The following COL6A2 variants were observed in gnomAD, a reference collection of about 807,000 sequenced individuals.
COL6A2 encodes collagen alpha-2(VI) chain.
In COL6A2, 90 loss-of-function variants were observed where a neutral mutation model predicts 124.9. That is an observed-to-expected ratio of 0.72 (90% CI 0.61 to 0.86). COL6A2 has a LOEUF of 0.86. Ranked by LOEUF, COL6A2 falls within the 40% of genes least tolerant of loss-of-function variation. The pLI, the probability that COL6A2 is intolerant of heterozygous loss-of-function variation, is 0.00. For missense variants in COL6A2, 1,607 were observed against 1,502.5 expected, an observed-to-expected ratio of 1.07 and a Z score of -1.15; for synonymous variants, 793 against 618.2, an observed-to-expected ratio of 1.28 and a Z score of -4.19.
Position 46,118,681 on chromosome 21 carries a change from G to A in COL6A2, c.1179+5G>A. On this transcript the variant is annotated splice_donor_5th_base_variant and intron_variant, in intron 13 of 27. Coordinates refer to ENST00000300527, the MANE Select transcript of COL6A2 (RefSeq NM_001849.4). ...ATCGGGGCCAAGGGAAGCAAGGTGA[G>A]CCCCTCTGCCTCTTCGCCTGCAGCT... 6.2e-7 allele frequency: 1 copy of A among 1,608,734 alleles called. No individual in the cohort carries two copies. Among genetic ancestry groups the A allele is most frequent in the Non-Finnish European group, 8.5e-7 (1 of 1,178,516 alleles).
chr21:46,131,282 A>G (rs2078756838), intron 27 of COL6A2, among the ~76,000 whole-genome samples: 1 of 152,168 alleles, frequency 6.6e-6, no homozygotes, highest in African/African-American at 2.4e-5. Flanking sequence ...GGTTGTGGCT[A>G]TGGCCAGGCC....
chr21:46,125,685 G>C, intron 25 of COL6A2, 68 bp downstream of exon 25: 6 of 1,591,708 alleles, frequency 3.8e-6, no homozygotes, highest in Non-Finnish European at 5.1e-6. Flanking sequence ...GATGAGATGG[G>C]AGAAGTCCAG....
At chr21:46,130,892 G>A (rs527409169) in intron 27 of COL6A2, among the ~76,000 whole-genome samples, 24 of 152,182 alleles carry the variant, frequency 1.6e-4, no homozygotes, top group Non-Finnish European at 3.2e-4. Context: ...CAGCTCGTGC[G>A]TGCTCAGACG....
chr21:46,130,449 G>A (rs985482524), intron 27 of COL6A2, among the ~76,000 whole-genome samples: 3 of 152,272 alleles, frequency 2.0e-5, no homozygotes, highest in Non-Finnish European at 4.4e-5. Context: ...GGGCACGGCT[G>A]TGACCATTTC....
intron 1 of COL6A2, among the ~76,000 whole-genome samples, chr21:46,109,364 G>T (rs1255603187): frequency 2.6e-5 from 4 of 152,206 alleles, no homozygotes; most frequent in Non-Finnish European, 5.9e-5. Context: ...AGTGCATGCT[G>T]ATTGGTCCAT....
intron 19 of COL6A2, 55 bp from the exon 20 acceptor site, chr21:46,122,441 G>A (rs1281042341): frequency 3.7e-6 from 6 of 1,608,704 alleles, no homozygotes; most frequent in South Asian, 1.1e-5. Flanking sequence ...CCCAGAGGGA[G>A]GAAGGAGCAC....
chr21:46,128,896 G>C, intron 27 of COL6A2: 1 of 1,611,254 alleles, frequency 6.2e-7, no homozygotes, highest in Non-Finnish European at 8.5e-7. Context: ...GCCTGTCTCC[G>C]GCACAGGTTT....
chr21:46,125,758 C>T (rs1363743990), intron 25 of COL6A2, 27 bp from the exon 26 acceptor site: 1 of 1,608,248 alleles, frequency 6.2e-7, no homozygotes, highest in Non-Finnish European at 8.5e-7. Context: ...AGGCCTCTGG[C>T]AACGACCTCA....
chr21:46,123,247 A>G (rs2078595927), intron 21 of COL6A2, among the ~76,000 whole-genome samples: 1 of 95,614 alleles, frequency 1.0e-5, no homozygotes, highest in Non-Finnish European at 1.9e-5. Context: ...CCACTACAGC[A>G]TCCCCCACCA....
intron 27 of COL6A2, among the ~76,000 whole-genome samples, chr21:46,127,342 T>C (rs1228701544): frequency 6.6e-6 from 1 of 152,074 alleles, no homozygotes; most frequent in East Asian, 1.9e-4. Context: ...CGTTCGGGCG[T>C]TCCATGGGGA....
In COL6A2 at chr21:46,121,563, G is replaced by T; in HGVS notation, c.1466G>T (p.Arg489Leu). The change falls in exon 18 of 28, where the codon CGG (arginine) becomes CTG (leucine). Residue 489 changes from arginine to leucine, a missense_variant. By Grantham distance (102) the Arg-to-Leu change is moderately radical. Transcript: ENST00000300527. The stretch of plus-strand genomic sequence containing the variant: ...TTTCTCTCCTGCCCTCAGGGATCTC[G>T]GGGAGACCCCGGTGATGCAGGACCC... ...ALGEPGKQGS[R>L]GDPGDAGPRG... The T allele has an allele frequency of 1.9e-6, 3 of 1,612,802 alleles. No individual in the cohort carries two copies. Among genetic ancestry groups the T allele is most frequent in the Non-Finnish European group, 2.5e-6 (3 of 1,179,950 alleles).
At position 46,132,631 on chromosome 21, in the gene COL6A2, G is replaced by GC; in HGVS notation, c.*81dup. 1 of 1,359,382 alleles carries GC rather than the reference G, an allele frequency of 7.4e-7. No homozygotes were observed. Among genetic ancestry groups the GC allele is most frequent in the Non-Finnish European group, 1.0e-6 (1 of 986,032 alleles). 84.2% of individuals were successfully genotyped at this position (1,359,382 alleles called of 1,614,324 possible). A position where few individuals can be genotyped will look rare whatever the true frequency, so the allele number is the denominator to read the frequency against. ...GCTAAGCGGGCCCGGGTCCCACACG[G>GC]CCAGCACCGCTGCTCACTCGGACGA... On this transcript the variant is annotated 3_prime_UTR_variant, in exon 28 of 28. Transcript: ENST00000300527.
At chr21:46,122,230 GTAGTTC>G in intron 19 of COL6A2, 72 bp downstream of exon 19, 1 of 1,543,176 alleles carries the variant, frequency 6.5e-7, no homozygotes, top group Non-Finnish European at 8.9e-7. Flanking sequence ...AAGATTCCTA[GTAGTTC>G]CCTCAAGGCC....
intron 1 of COL6A2, among the ~76,000 whole-genome samples, chr21:46,100,522 C>G (rs2078278124): frequency 6.6e-6 from 1 of 152,114 alleles, no homozygotes; most frequent in Non-Finnish European, 1.5e-5. Flanking sequence ...AACTCTTTTC[C>G]TCTTGTCAAA....
At chr21:46,100,344 G>A (rs900363838) in intron 1 of COL6A2, among the ~76,000 whole-genome samples, 1 of 151,830 alleles carries the variant, frequency 6.6e-6, no homozygotes, top group African/African-American at 2.4e-5. Flanking sequence ...GGTGTTTGGG[G>A]GGTTTTTTCT....
chr21:46,122,019 CCA>C (rs2078574285), intron 18 of COL6A2, 87 bp from the exon 19 acceptor site: 6 of 1,386,166 alleles, frequency 4.3e-6, no homozygotes, highest in Non-Finnish European at 6.1e-6. Flanking sequence ...CACTTCCACC[CCA>C]GTGTGCACCT....
chr21:46,130,804 G>A (rs539209658), intron 27 of COL6A2, among the ~76,000 whole-genome samples: 3 of 152,332 alleles, frequency 2.0e-5, no homozygotes, highest in East Asian at 1.9e-4. Flanking sequence ...CCTAGGTGTG[G>A]CCTTAACAGG....
intron 10 of COL6A2, 94 bp from the exon 11 acceptor site, chr21:46,117,306 G>A (rs2078487455): frequency 7.8e-7 from 1 of 1,289,176 alleles, no homozygotes; most frequent in Non-Finnish European, 1.1e-6. Flanking sequence ...CTGCAGCCCT[G>A]CGGGGCAGAA....
chr21:46,131,779 T>G (rs1300541993), intron 27 of COL6A2, among the ~76,000 whole-genome samples, 175 bp from the exon 28 acceptor site: 1 of 152,036 alleles, frequency 6.6e-6, no homozygotes, highest in East Asian at 1.9e-4. Context: ...CGCCTGAAAG[T>G]GTCTTGGGCT....
Sources: allele counts gnomAD v4.1 joint callset (sites outside exome capture counted in the v4.1 genomes callset), GRCh38; gene constraint gnomAD v4.1.1; transcripts MANE v1.5; gene names NCBI Gene and HGNC (gene_info 2026-07-23, HGNC 2026-07-21).